The following GLI4 variants were observed in gnomAD, a reference collection of about 807,000 sequenced individuals.
GLI4 encodes the protein zinc finger protein GLI4.
A neutral mutation model predicts 30.9 loss-of-function variants in GLI4; 34 were observed. That is an observed-to-expected ratio of 1.10 (90% confidence interval 0.84 to 1.47). The LOEUF (loss-of-function observed/expected upper bound fraction) is 1.47. Ranked by LOEUF, GLI4 falls within the 40% of genes most tolerant of loss-of-function variation. The probability of loss-of-function intolerance (pLI) is 0.00; values close to 1 mark genes in which losing one functional copy is unlikely to be tolerated. For synonymous variants in GLI4, 277 were observed against 236.7 expected (o/e 1.17, Z -1.56); for missense variants, 696 against 538.9 (o/e 1.29, Z -2.89).
intron 3 of GLI4, 42 bp downstream of exon 3, chr8:143,274,844 C>T (rs993966010): frequency 9.9e-6 from 15 of 1,522,570 alleles, no homozygotes; most frequent in South Asian, 3.6e-5. Flanking sequence ...CAGAGCTCTG[C>T]GCGTGCCAGG....
intron 3 of GLI4, chr8:143,275,642 C>T: frequency 2.4e-6 from 3 of 1,235,612 alleles, no homozygotes; most frequent in Non-Finnish European, 3.0e-6. Flanking sequence ...CCGGCACGGC[C>T]GCCGTGGTGA....
chr8:143,274,757 C>T lies in GLI4; in HGVS notation c.178C>T (p.Gln60Ter), dbSNP rs762672122. Reference sequence around the variant, plus strand: ...CTCCCAGCCGTCCGACCTGGATCTCCAAGACGTAGAGGAAGTGGAGATCGG... The same window carrying T: ...CTCCCAGCCGTCCGACCTGGATCTCTAAGACGTAGAGGAAGTGGAGATCGG... ...VLSQPSDLDL[Q>*]DVEEVEIGRD... The change falls in exon 3 of 4, where the codon CAA (glutamine) becomes TAA (stop). Residue 60 changes from glutamine to a stop codon, truncating the protein, a stop_gained. Transcript: ENST00000340042. LOFTEE classifies it low-confidence loss of function (END_TRUNC). The T allele has an allele frequency of 1.9e-6, 3 of 1,572,140 alleles. No homozygotes were observed. The highest frequency in any genetic ancestry group is 2.6e-6 in the Non-Finnish European group (3 of 1,156,996).
chr8:143,276,231 G>A lies in GLI4; in HGVS notation c.558G>A (p.Glu186=), dbSNP rs1251252022. The change falls in exon 4 of 4, where the codon GAG becomes GAA. Residue 186 remains glutamate, a synonymous_variant. Transcript: ENST00000340042. ...GGGGGGCCAAGCCGCACAGGTGCGA[G>A]GCCTGCGGCAAGAGTTTCAAGTATA... The part of the protein sequence containing the change: ...SARGAKPHRC[E]ACGKSFKYNS... The A allele has an allele frequency of 3.1e-6, 5 of 1,600,928 alleles. No homozygotes were observed. Among genetic ancestry groups the A allele is most frequent in the Non-Finnish European group, 4.3e-6 (5 of 1,174,392 alleles).
intron 1 of GLI4, 107 bp downstream of exon 1, chr8:143,267,591 G>A (rs1330051092): frequency 2.0e-6 from 2 of 985,300 alleles, no homozygotes; most frequent in East Asian, 1.1e-4. Context: ...GGGCCGTGCG[G>A]CCCTTGCAGC....
intron 2 of GLI4, among the ~76,000 whole-genome samples, chr8:143,271,645 CCAGGCACATGTGGTCACCT>C (rs1815270224): frequency 6.6e-6 from 1 of 152,196 alleles, no homozygotes; most frequent in South Asian, 2.1e-4. Context: ...GGGGCCCACC[CCAGGCACATGTGGTCACCT>C]CAGGAGCCTC....
chr8:143,274,512 G>T, intron 2 of GLI4, 192 bp from the exon 3 acceptor site: 1 of 445,782 alleles, frequency 2.2e-6, no homozygotes, highest in Non-Finnish European at 3.8e-6. Flanking sequence ...GGAGGCTCTT[G>T]AACCGAGCTG....
At position 143,275,130 on chromosome 8, in the gene GLI4, G is replaced by A. The variant is rs1269772619; in HGVS notation, c.223+328G>A. On this transcript the variant is annotated intron_variant, in intron 3 of 3. Coordinates refer to ENST00000340042, the MANE Select transcript of GLI4 (RefSeq NM_138465.4). The stretch of plus-strand genomic sequence containing the variant: ...GCCTTGGGCTGGGGCTTCTGGCTCA[G>A]GGCACCACTGTCCCCCCAGATCCAC... 15 of 1,535,640 alleles carry A rather than the reference G, an allele frequency of 9.8e-6. No homozygotes were observed. In the South Asian group the frequency reaches 1.8e-4, roughly 18 times the overall value.
Position 143,275,993 on chromosome 8 carries a change from T to G in GLI4, c.320T>G (p.Leu107Arg). 1.4e-6 allele frequency: 2 copies of G among 1,403,728 alleles called. No homozygotes were observed. The highest frequency in any genetic ancestry group is 1.8e-6 in the Non-Finnish European group (2 of 1,082,208). 87.0% of individuals were successfully genotyped at this position (1,403,728 alleles called of 1,614,324 possible). A position where few individuals can be genotyped will look rare whatever the true frequency, so the allele number is the denominator to read the frequency against. Residue 107 changes from leucine to arginine, a missense_variant, in exon 4 of 4, where the codon CTT becomes CGT. By Grantham distance (102) the Leu-to-Arg change is moderately radical (BLOSUM62 -2). Coordinates refer to ENST00000340042, the MANE Select transcript of GLI4 (RefSeq NM_138465.4). The part of the protein sequence containing the change: ...GGALRSLLRS[L>R]PRRARCSAGF... ...GCGCTGCGCAGCCTCCTGAGGAGCCTTCCCCGCAGGGCCCGGTGCAGCGCC... is the reference window on the plus strand; with the variant it reads ...GCGCTGCGCAGCCTCCTGAGGAGCCGTCCCCGCAGGGCCCGGTGCAGCGCC...
intron 2 of GLI4, chr8:143,274,400 G>A (rs1815337432): frequency 8.5e-6 from 2 of 235,054 alleles, no homozygotes; most frequent in South Asian, 1.2e-4. Context: ...AGGTGACAAA[G>A]CCGCCTTCAA....
chr8:143,275,335 C>A, intron 3 of GLI4: 1 of 1,420,490 alleles, frequency 7.0e-7, no homozygotes, highest in Middle Eastern at 1.8e-4. Context: ...ATCTGGGCGG[C>A]CCTGGGGTGG....
At chr8:143,269,228 T>A in intron 1 of GLI4, 132 bp from the exon 2 acceptor site, 1 of 706,680 alleles carries the variant, frequency 1.4e-6, no homozygotes, top group Non-Finnish European at 2.4e-6. Context: ...GGGTTCATCC[T>A]CCATCCTTGC....
At chr8:143,267,592 C>T (rs1815164741) in intron 1 of GLI4, 108 bp downstream of exon 1, 2 of 985,300 alleles carry the variant, frequency 2.0e-6, no homozygotes, top group Non-Finnish European at 2.4e-6. Context: ...GGCCGTGCGG[C>T]CCTTGCAGCC....
chr8:143,272,057 C>T (rs1815279693), intron 2 of GLI4, among the ~76,000 whole-genome samples: 1 of 152,128 alleles, frequency 6.6e-6, no homozygotes, highest in Non-Finnish European at 1.5e-5. Flanking sequence ...ACTGCCTGGG[C>T]CGGTTCTGGA....
In GLI4 at chr8:143,274,720, C is replaced by T. The variant is rs780276004; in HGVS notation, c.141C>T (p.Ser47=). Residue 47 remains serine, a synonymous_variant, in exon 3 of 4, where the codon AGC becomes AGT. Transcript: ENST00000340042. The stretch of plus-strand genomic sequence containing the variant: ...GACCCCCAGGCTCCCCTGGCTCCAG[C>T]CCTAAGGTGCTCTCCCAGCCGTCCG... ...HGHQHGSPGS[S]PKVLSQPSDL... is the part of the protein sequence containing the mutation. The T allele has an allele frequency of 1.3e-6, 2 of 1,562,290 alleles. No individual in the cohort carries two copies. The highest frequency in any genetic ancestry group is 2.4e-5 in the East Asian group (1 of 41,486).
chr8:143,276,386 C>G lies in GLI4; in HGVS notation c.713C>G (p.Pro238Arg). ...QHHRIHTGEK[P>R]YECGQCGRAF... ...CACCGCATCCACACGGGCGAGAAGC[C>G]CTACGAGTGCGGCCAGTGCGGCCGC... Residue 238 changes from proline (P) to arginine (R), a missense_variant, in exon 4 of 4, where the codon CCC (proline) becomes CGC (arginine). Physicochemically the swap from Pro to Arg is moderately radical, Grantham distance 103. Coordinates refer to ENST00000340042, the MANE Select transcript of GLI4 (RefSeq NM_138465.4). 6.2e-7 allele frequency: 1 copy of G among 1,612,788 alleles called. No individual in the cohort carries two copies. Among genetic ancestry groups the G allele is most frequent in the Non-Finnish European group, 8.5e-7 (1 of 1,179,800 alleles).
At chr8:143,267,819 G>A (rs1219689879) in intron 1 of GLI4, 1 of 985,316 alleles carries the variant, frequency 1.0e-6, no homozygotes, top group Non-Finnish European at 1.2e-6. Context: ...GCTCCGGAGC[G>A]AGGAGCCGCC....
chr8:143,267,861 G>A (rs911387668), intron 1 of GLI4: 1 of 985,444 alleles, frequency 1.0e-6, no homozygotes, highest in Non-Finnish European at 1.2e-6. Flanking sequence ...GGGCGGACGC[G>A]CTCTGTGCCG....
chr8:143,270,980 C>T (rs1414949984), intron 2 of GLI4, among the ~76,000 whole-genome samples: 3 of 151,602 alleles, frequency 2.0e-5, no homozygotes, highest in South Asian at 2.1e-4. Flanking sequence ...TGCAGGGTTG[C>T]GCTACCCCCA....
chr8:143,268,510 C>T lies in GLI4; in HGVS notation c.-37-850C>T, dbSNP rs142341975. On this transcript the variant is annotated intron_variant, in intron 1 of 3. Transcript: ENST00000340042. Reference sequence around the variant, plus strand: ...ACTAGGGGATTCCAGCCTGCAGTCTCTGAGGGCTCTGTAGGGTCTGAGGAA... The same window carrying T: ...ACTAGGGGATTCCAGCCTGCAGTCTTTGAGGGCTCTGTAGGGTCTGAGGAA... 4.9e-3 allele frequency among the ~76,000 whole-genome samples: 739 copies of T among 152,318 alleles called. 3 individuals carry two copies. Among genetic ancestry groups the T allele is most frequent in the Middle Eastern group, 0.01 (3 of 294 alleles).
Sources: allele counts gnomAD v4.1 joint callset (sites outside exome capture counted in the v4.1 genomes callset), GRCh38; gene constraint gnomAD v4.1.1; transcripts MANE v1.5; gene names NCBI Gene and HGNC (gene_info 2026-07-23, HGNC 2026-07-21).